Variants in CPLX4 observed in about 807,000 individuals in gnomAD.
CPLX4 encodes complexin 4.
CPLX4 carries 17 observed loss-of-function variants against 16.1 expected under a neutral mutation model. That is an observed-to-expected ratio of 1.06 (90% CI 0.72 to 1.59). CPLX4 has a LOEUF of 1.59. Ranked by LOEUF, CPLX4 falls within the 40% of genes most tolerant of loss-of-function variation. The pLI is 0.00. For synonymous variants in CPLX4, 55 were observed against 57.8 expected (o/e 0.95, Z 0.22); for missense variants, 193 against 192.9 (o/e 1.00, Z 0.00).
At chr18:59,305,081 G>A (rs1347983482) in intron 2 of CPLX4, among the ~76,000 whole-genome samples, 1 of 152,062 alleles carries the variant, frequency 6.6e-6, no homozygotes, top group Non-Finnish European at 1.5e-5. Context: ...ATAAGATGAT[G>A]TAGGAGACAT....
chr18:59,317,941 T>G (rs2070662134), intron 1 of CPLX4, among the ~76,000 whole-genome samples: 1 of 151,782 alleles, frequency 6.6e-6, no homozygotes, highest in South Asian at 2.1e-4. Flanking sequence ...GCTAAGAGGG[T>G]GAAGTTTAGA....
At chr18:59,302,222 C>T (rs1409574586) in intron 2 of CPLX4, among the ~76,000 whole-genome samples, 3 of 152,210 alleles carry the variant, frequency 2.0e-5, no homozygotes, top group South Asian at 2.1e-4. Flanking sequence ...CTTGTCCACA[C>T]GTTCTGCTGC....
intron 2 of CPLX4, among the ~76,000 whole-genome samples, chr18:59,299,732 CCTAA>C (rs2144178877): frequency 6.6e-6 from 1 of 152,244 alleles, no homozygotes; most frequent in East Asian, 1.9e-4. Context: ...TCTTGATTGC[CCTAA>C]CTTTTATCAA....
chr18:59,318,551 T>C lies in CPLX4; in HGVS notation c.-89A>G. On this transcript the variant is annotated 5_prime_UTR_variant, in exon 1 of 3. Transcript: ENST00000299721. Reference sequence around the variant, plus strand: ...AACCCAAGAGAAAACCTCCAAATATTCTCAATGACAGCAATACATTTAAGA... The same window carrying C: ...AACCCAAGAGAAAACCTCCAAATATCCTCAATGACAGCAATACATTTAAGA... 1 of 1,493,986 alleles carries C rather than the reference T, an allele frequency of 6.7e-7. No homozygotes were observed. The highest frequency in any genetic ancestry group is 1.4e-5 in the South Asian group (1 of 72,358). The allele number at this position is 1,493,986 out of a possible 1,614,324, so 92.5% of individuals were successfully genotyped here.
intron 2 of CPLX4, among the ~76,000 whole-genome samples, chr18:59,297,685 GA>G (rs571345270): frequency 2.4e-4 from 36 of 152,352 alleles, no homozygotes; most frequent in African/African-American, 8.2e-4. Context: ...AAGTCTTGCA[GA>G]TTCTATCAGC....
intron 2 of CPLX4, among the ~76,000 whole-genome samples, chr18:59,305,003 G>A (rs1475541602): frequency 2.0e-5 from 3 of 151,194 alleles, no homozygotes; most frequent in Non-Finnish European, 2.9e-5. Flanking sequence ...GCTAGGCACT[G>A]AGCACAGAGA....
chr18:59,310,513 G>C (rs1484084072), intron 2 of CPLX4, among the ~76,000 whole-genome samples: 1 of 152,184 alleles, frequency 6.6e-6, no homozygotes, highest in Non-Finnish European at 1.5e-5. Context: ...CAGATAAAAG[G>C]CTTGGGGCCT....
Position 59,297,125 on chromosome 18 carries a change from C to T in CPLX4, c.256-200G>A, listed in dbSNP as rs148595058. ...GTCCTTTCTTCATGGCACCTTGCGTCGATCAGAACCTTCCAGCATGGTGGT... is the reference window on the plus strand; with the variant it reads ...GTCCTTTCTTCATGGCACCTTGCGTTGATCAGAACCTTCCAGCATGGTGGT... On this transcript the variant is annotated intron_variant, in intron 2 of 2. Coordinates refer to ENST00000299721, the MANE Select transcript of CPLX4 (RefSeq NM_181654.4). 6.3e-3 allele frequency among the ~76,000 whole-genome samples: 956 copies of T among 152,114 alleles called. 14 individuals carry two copies. The highest frequency in any genetic ancestry group is 0.022 in the African/African-American group (917 of 41,496).
At chr18:59,311,010 C>T (rs2070613582) in intron 2 of CPLX4, among the ~76,000 whole-genome samples, 1 of 149,000 alleles carries the variant, frequency 6.7e-6, no homozygotes, top group Non-Finnish European at 1.5e-5. Flanking sequence ...TGCTTCATCC[C>T]AACAAGTTGA....
intron 2 of CPLX4, among the ~76,000 whole-genome samples, chr18:59,307,531 C>T (rs755499533): frequency 3.9e-5 from 6 of 152,160 alleles, no homozygotes; most frequent in African/African-American, 1.2e-4. Context: ...GTTCAGCCCT[C>T]GGTCAGCCCT....
intron 2 of CPLX4, among the ~76,000 whole-genome samples, chr18:59,300,141 G>A (rs1332553692): frequency 2.0e-5 from 3 of 152,160 alleles, no homozygotes; most frequent in Non-Finnish European, 4.4e-5. Flanking sequence ...AGACCAGCAT[G>A]GCCAATTTGG....
intron 2 of CPLX4, among the ~76,000 whole-genome samples, chr18:59,298,580 T>G (rs1344257319): frequency 6.7e-6 from 1 of 148,192 alleles, no homozygotes; most frequent in Non-Finnish European, 1.5e-5. Flanking sequence ...TACATTGCTT[T>G]AAGAAAGATT....
At chr18:59,313,760 TG>T (rs1267255205) in intron 1 of CPLX4, among the ~76,000 whole-genome samples, 7 of 152,220 alleles carry the variant, frequency 4.6e-5, no homozygotes, top group Non-Finnish European at 7.3e-5. Flanking sequence ...GTAGTCTGGC[TG>T]CTGAGGAAGA....
At chr18:59,297,658 C>T (rs910097840) in intron 2 of CPLX4, among the ~76,000 whole-genome samples, 1 of 152,202 alleles carries the variant, frequency 6.6e-6, no homozygotes, top group Non-Finnish European at 1.5e-5. Context: ...CCCAACTCTG[C>T]CTAAGGGCAG....
At position 59,295,926 on chromosome 18, in the gene CPLX4, C is replaced by T. The variant is rs1407112586; in HGVS notation, c.*772G>A. On this transcript the variant is annotated 3_prime_UTR_variant, in exon 3 of 3. Transcript: ENST00000299721. ...ACCCACTTTGTTCCCATTGCTATCACCAAGTTCAGACAAGGAGAGTTAAGC... is the reference window on the plus strand; with the variant it reads ...ACCCACTTTGTTCCCATTGCTATCATCAAGTTCAGACAAGGAGAGTTAAGC... 2 of 152,174 alleles carry T rather than the reference C, an allele frequency of 1.3e-5. No individual in the cohort carries two copies. The highest frequency in any genetic ancestry group is 2.9e-5 in the Non-Finnish European group (2 of 68,038). 9.4% of individuals were successfully genotyped at this position (152,174 alleles called of 1,614,324 possible). A position where few individuals can be genotyped will look rare whatever the true frequency, so the allele number is the denominator to read the frequency against.
At position 59,296,650 on chromosome 18, in the gene CPLX4, G is replaced by T. The variant is rs750134087; in HGVS notation, c.*48C>A. 8.1e-5 allele frequency: 130 copies of T among 1,599,330 alleles called. No individual in the cohort carries two copies. Among genetic ancestry groups the T allele is most frequent in the Non-Finnish European group, 1.1e-4 (130 of 1,169,950 alleles). ...TGCTTGAAACGTCCCACAAGAGAGT[G>T]GTCTTTTCCAAGGATGGCTGGTTCC... On this transcript the variant is annotated 3_prime_UTR_variant, in exon 3 of 3. Transcript: ENST00000299721.
intron 2 of CPLX4, among the ~76,000 whole-genome samples, chr18:59,298,327 T>C (rs1402085641): frequency 6.6e-6 from 1 of 152,184 alleles, no homozygotes; most frequent in African/African-American, 2.4e-5. Context: ...AAAAATATTC[T>C]CTGGGAAAGG....
At chr18:59,309,450 G>T (rs1603391891) in intron 2 of CPLX4, among the ~76,000 whole-genome samples, 1 of 152,196 alleles carries the variant, frequency 6.6e-6, no homozygotes, top group African/African-American at 2.4e-5. Flanking sequence ...CAACACAGGA[G>T]AAATAATATG....
intron 2 of CPLX4, among the ~76,000 whole-genome samples, chr18:59,297,434 C>CACT (rs1376184963): frequency 2.0e-5 from 3 of 151,390 alleles, no homozygotes; most frequent in Non-Finnish European, 4.4e-5. Context: ...TGCACCACCA[C>CACT]ACTCAGCTGA....
Sources: gnomAD v4.1 joint callset for allele counts (sites outside exome capture counted in the v4.1 genomes callset) on GRCh38, gnomAD v4.1.1 for gene constraint, MANE v1.5 for transcripts, NCBI Gene and HGNC (gene_info 2026-07-23, HGNC 2026-07-21) for gene names.